The following ZFTRAF1 variants were observed in gnomAD, a reference collection of about 807,000 sequenced individuals.
The protein encoded by ZFTRAF1 is zinc finger TRAF-type and ring finger containing 1.
At chr8:144,451,078 C>T in the ZFTRAF1 span, 20 of 333,002 alleles carry the variant, frequency 6.0e-5, no homozygotes, top group East Asian at 2.4e-4. Flanking sequence ...CCCCGAGCCC[C>T]GGGTGTCCCC....
At chr8:144,450,410 A>C in the ZFTRAF1 span, 1 of 717,308 alleles carries the variant, frequency 1.4e-6, no homozygotes, top group Non-Finnish European at 2.6e-6. Flanking sequence ...GAAGAGCCGC[A>C]GGTTGATGTT....
the ZFTRAF1 span, chr8:144,452,115 G>T: frequency 1.8e-6 from 1 of 566,118 alleles, no homozygotes; most frequent in Non-Finnish European, 3.2e-6. Context: ...GAGGACAGGT[G>T]GGCGGGGCTG....
the ZFTRAF1 span, chr8:144,451,831 TAC>T: frequency 9.8e-6 from 2 of 204,378 alleles, no homozygotes; most frequent in South Asian, 8.7e-5. Context: ...CTCCCGGTTC[TAC>T]AGTTTGAGTC....
At chr8:144,460,343 G>T in the ZFTRAF1 span, among the ~76,000 whole-genome samples, 1 of 152,252 alleles carries the variant, frequency 6.6e-6, no homozygotes, top group Non-Finnish European at 1.5e-5. Flanking sequence ...GTGCAGGCCG[G>T]TTTGAACCAG....
At chr8:144,453,096 G>C in the ZFTRAF1 span, 1 of 832,958 alleles carries the variant, frequency 1.2e-6, no homozygotes, top group Non-Finnish European at 1.9e-6. Flanking sequence ...GGGCTACACA[G>C]GTGGTCCCCA....
the ZFTRAF1 span, among the ~76,000 whole-genome samples, chr8:144,460,118 G>A: frequency 1.1e-4 from 16 of 152,302 alleles, no homozygotes; most frequent in Non-Finnish European, 2.2e-4. Context: ...ACTCACAGCC[G>A]AGAGCCACCC....
chr8:144,461,563 A>T, the ZFTRAF1 span, among the ~76,000 whole-genome samples: 5 of 152,164 alleles, frequency 3.3e-5, no homozygotes, highest in Non-Finnish European at 5.9e-5. Flanking sequence ...CTGCCTAGGA[A>T]GCCTGGCCTG....
At chr8:144,452,576 G>T in the ZFTRAF1 span, 1 of 1,535,668 alleles carries the variant, frequency 6.5e-7, no homozygotes, top group Non-Finnish European at 8.7e-7. Flanking sequence ...TTACCCTGGG[G>T]GAGGCAGGTA....
chr8:144,458,405 A>G, the ZFTRAF1 span, among the ~76,000 whole-genome samples: 1 of 152,232 alleles, frequency 6.6e-6, no homozygotes. Context: ...AGACGTATTT[A>G]CAAAGATGTT....
the ZFTRAF1 span, among the ~76,000 whole-genome samples, chr8:144,460,867 G>C: frequency 1.3e-5 from 2 of 152,222 alleles, no homozygotes; most frequent in African/African-American, 2.4e-5. Context: ...CTGGGTGACA[G>C]AGTGAGACTC....
the ZFTRAF1 span, chr8:144,450,804 T>C: frequency 1.5e-6 from 1 of 672,082 alleles, no homozygotes; most frequent in Non-Finnish European, 2.8e-6. Context: ...AAGAGCCGGC[T>C]GTTAGTGTGG....
the ZFTRAF1 span, chr8:144,462,542 T>G: frequency 7.6e-5 from 10 of 131,438 alleles, no homozygotes; most frequent in South Asian, 4.5e-4. Flanking sequence ...CGCCGCCGCC[T>G]GCCCGGCGGC....
At chr8:144,461,298 G>C in the ZFTRAF1 span, among the ~76,000 whole-genome samples, 1 of 152,210 alleles carries the variant, frequency 6.6e-6, no homozygotes, top group African/African-American at 2.4e-5. Flanking sequence ...TGTAAAGAAA[G>C]CTGACAGAGA....
chr8:144,453,436 C>T, the ZFTRAF1 span: 59 of 1,550,956 alleles, frequency 3.8e-5, no homozygotes, highest in Middle Eastern at 1.7e-4. Flanking sequence ...AAACAGCCAG[C>T]GCACATCAAG....
At chr8:144,450,807 T>G in the ZFTRAF1 span, 1 of 669,688 alleles carries the variant, frequency 1.5e-6, no homozygotes, top group South Asian at 1.6e-5. Context: ...AGCCGGCTGT[T>G]AGTGTGGGCA....
the ZFTRAF1 span, chr8:144,456,894 T>C: frequency 6.8e-6 from 1 of 146,294 alleles, no homozygotes; most frequent in Non-Finnish European, 1.5e-5. Flanking sequence ...CGGAATGACA[T>C]CACAGAGATG....
At chr8:144,450,987 T>C in the ZFTRAF1 span, 1 of 557,774 alleles carries the variant, frequency 1.8e-6, no homozygotes, top group East Asian at 2.9e-5. Context: ...AGAATCAACA[T>C]GGATTAGCTG....
chr8:144,450,191 CG>C, the ZFTRAF1 span: 39 of 573,638 alleles, frequency 6.8e-5, no homozygotes, highest in South Asian at 1.0e-4. Flanking sequence ...AGGCAGGGGT[CG>C]GGGGGGTGAG....
the ZFTRAF1 span, among the ~76,000 whole-genome samples, chr8:144,458,350 G>C: frequency 6.6e-6 from 1 of 152,256 alleles, no homozygotes; most frequent in Admixed American, 6.5e-5. Context: ...ACTAGCCAGA[G>C]ATTCCAGAAC....
Sources: allele counts gnomAD v4.1 joint callset (sites outside exome capture counted in the v4.1 genomes callset), GRCh38; gene constraint gnomAD v4.1.1; transcripts MANE v1.5; gene names NCBI Gene and HGNC (gene_info 2026-07-23, HGNC 2026-07-21).